Variants in TNS3 observed in about 807,000 individuals in gnomAD.
TNS3 encodes the protein tensin-3.
A neutral mutation model predicts 140.9 loss-of-function variants in TNS3; 45 were observed. The observed-to-expected ratio is 0.32, with a 90% confidence interval of 0.25 to 0.41. The LOEUF (loss-of-function observed/expected upper bound fraction) is 0.41, where lower values mean the gene tolerates loss of function less well. TNS3 is among the 10% of genes least tolerant of loss of function. TNS3 has a pLI of 1.00. For synonymous variants in TNS3, 815 were observed against 788.4 expected, an observed-to-expected ratio of 1.03 and a Z score of -0.56; for missense variants, 1,716 against 1,906.7, an observed-to-expected ratio of 0.90 and a Z score of 1.86.
chr7:47,471,524 G>A (rs962668299), intron 4 of TNS3, among the ~76,000 whole-genome samples: 18 of 152,218 alleles, frequency 1.2e-4, no homozygotes, highest in Non-Finnish European at 1.9e-4. Flanking sequence ...GGGCACCCGC[G>A]GGCCCTGCCA....
intron 6 of TNS3, among the ~76,000 whole-genome samples, chr7:47,437,745 TACACACACACACACACACAC>T (rs67341898): frequency 4.3e-4 from 58 of 135,806 alleles, no homozygotes; most frequent in Middle Eastern, 3.8e-3. Flanking sequence ...ACATATAGGA[TACACACACACACACACACAC>T]ACACACACAC....
intron 1 of TNS3, chr7:47,539,510 A>G (rs1799722235): frequency 3.9e-6 from 1 of 254,786 alleles, no homozygotes; most frequent in Admixed American, 4.9e-5. Flanking sequence ...TCCTCCTGCC[A>G]GGCTTGCAAT....
Position 47,396,824 on chromosome 7 carries a change from C to T in TNS3, c.1000G>A (p.Glu334Lys), listed in dbSNP as rs1251313934. The change falls in exon 16 of 31, where the codon GAG (glutamate) becomes AAG (lysine). Residue 334 changes from glutamate to lysine, a missense_variant. Around this residue, in one of 3 missense-constraint regions of TNS3, gnomAD observed 1,163 missense variants for 1,182.1 expected, o/e 0.98. Transcript: ENST00000311160. ...TDPLIRWDSY[E>K]NLSADGEVLH... ...CCTTCTCCATCTGCACTGAGGTTCT[C>T]GTACGAGTCCCAGCGTATCAGTGGG... The T allele has an allele frequency of 2.5e-6, 4 of 1,614,142 alleles. No homozygotes were observed. The highest frequency in any genetic ancestry group is 2.5e-6 in the Non-Finnish European group (3 of 1,179,954).
At chr7:47,297,280 C>A in intron 23 of TNS3, 67 bp from the exon 24 acceptor site, 1 of 1,527,422 alleles carries the variant, frequency 6.5e-7, no homozygotes, top group South Asian at 1.3e-5. Flanking sequence ...CCACTCATAA[C>A]CTTGGGTAGG....
intron 20 of TNS3, among the ~76,000 whole-genome samples, chr7:47,332,858 G>T (rs1192598773): frequency 6.6e-6 from 1 of 152,190 alleles, no homozygotes; most frequent in Non-Finnish European, 1.5e-5. Flanking sequence ...CAAGCCCCAG[G>T]GCCAGCATCA....
At position 47,369,639 on chromosome 7, in the gene TNS3, G is replaced by A. The variant is rs200272109; in HGVS notation, c.1025-18C>T. 79 of 1,533,204 alleles carry A rather than the reference G, an allele frequency of 5.2e-5. No individual in the cohort carries two copies. The highest frequency in any genetic ancestry group is 1.8e-4 in the Middle Eastern group (1 of 5,674). The allele number at this position is 1,533,204 out of a possible 1,614,324, so 95.0% of individuals were successfully genotyped here. A position where few individuals can be genotyped will look rare whatever the true frequency, so the allele number is the denominator to read the frequency against. ...GTGTAGCACTGCGGGGGAGAAAACC[G>A]GAGAGAGGCTTTCAGTCAGGGATGA... On this transcript the variant is annotated intron_variant, in intron 16 of 30. Coordinates refer to ENST00000311160, the MANE Select transcript of TNS3 (RefSeq NM_022748.12).
rs115951295 is a variant in TNS3, at chr7:47,377,732, T to C, written c.1025-8111A>G. Among the ~76,000 whole-genome samples the C allele has an allele frequency of 9.7e-3, 1,423 of 146,866 alleles. 24 individuals carry two copies. Among genetic ancestry groups the C allele is most frequent in the African/African-American group, 0.034 (1,350 of 39,432 alleles). ...TCCCCCTCCTCCCTTTCCTCCTCCT[T>C]CTCCTCCTCCCTTTCCTCTTCTTCT... On this transcript the variant is annotated intron_variant, in intron 16 of 30. Transcript: ENST00000311160.
intron 1 of TNS3, among the ~76,000 whole-genome samples, chr7:47,557,763 A>T (rs1158567516): frequency 6.6e-6 from 1 of 152,160 alleles, no homozygotes; most frequent in Non-Finnish European, 1.5e-5. Flanking sequence ...ATGTAGTGGG[A>T]GGAGGTAGGG....
At chr7:47,578,493 C>T (rs557492255) in intron 1 of TNS3, among the ~76,000 whole-genome samples, 3 of 148,836 alleles carry the variant, frequency 2.0e-5, no homozygotes, top group South Asian at 2.1e-4. Context: ...CAACTCCCAG[C>T]GAGGGTAGGA....
chr7:47,472,805 C>T (rs2151747766), intron 4 of TNS3, among the ~76,000 whole-genome samples: 1 of 152,318 alleles, frequency 6.6e-6, no homozygotes, highest in African/African-American at 2.4e-5. Context: ...GCACTACATC[C>T]ACACCCTCCC....
At chr7:47,505,250 C>A (rs1250529555) in intron 3 of TNS3, among the ~76,000 whole-genome samples, 2 of 152,092 alleles carry the variant, frequency 1.3e-5, no homozygotes, top group African/African-American at 4.8e-5. Context: ...CTGAAATGCT[C>A]CCCCAAAGGT....
At chr7:47,546,833 C>T (rs529997862) in intron 1 of TNS3, among the ~76,000 whole-genome samples, 4 of 152,204 alleles carry the variant, frequency 2.6e-5, no homozygotes, top group Non-Finnish European at 4.4e-5. Flanking sequence ...ACCACGGTCT[C>T]TCAGTGTGTG....
At chr7:47,362,366 G>A (rs1311308283) in intron 17 of TNS3, among the ~76,000 whole-genome samples, 5 of 151,830 alleles carry the variant, frequency 3.3e-5, no homozygotes. Flanking sequence ...AGGTGGGCAG[G>A]GCTACTCTAC....
At chr7:47,518,492 CTT>C (rs543694054) in intron 2 of TNS3, among the ~76,000 whole-genome samples, 184 of 152,284 alleles carry the variant, frequency 1.2e-3, no homozygotes, top group African/African-American at 4.4e-3. Flanking sequence ...CAGTTTTACT[CTT>C]TCTCTCTTTC....
chr7:47,532,885 T>C (rs1411144399), intron 1 of TNS3, among the ~76,000 whole-genome samples: 1 of 151,958 alleles, frequency 6.6e-6, no homozygotes, highest in African/African-American at 2.4e-5. Context: ...TCATGAATTA[T>C]AGGTAATAAG....
In TNS3 at chr7:47,283,862, C is replaced by A; in HGVS notation, c.3932G>T (p.Cys1311Phe). 2 of 1,586,934 alleles carry A rather than the reference C, an allele frequency of 1.3e-6. No homozygotes were observed. The highest frequency in any genetic ancestry group is 2.3e-5 in the South Asian group (2 of 85,528). Residue 1311 changes from cysteine (C) to phenylalanine (F), a missense_variant, in exon 28 of 31, where the codon TGC becomes TTC. Transcript: ENST00000311160. ...AAELLKQGAA[C>F]NVWYLNSVEM... Reference sequence around the variant, plus strand: ...CACAGAGTTCAAGTACCACACATTGCAGGCTGGAAGACACCAAGGGAGACA... The same window carrying A: ...CACAGAGTTCAAGTACCACACATTGAAGGCTGGAAGACACCAAGGGAGACA...
At position 47,369,521 on chromosome 7, in the gene TNS3, C is replaced by T. The variant is rs772733876; in HGVS notation, c.1125G>A (p.Pro375=). 2.5e-6 allele frequency: 4 copies of T among 1,613,894 alleles called. No individual in the cohort carries two copies. The highest frequency in any genetic ancestry group is 3.4e-6 in the Non-Finnish European group (4 of 1,179,930). Residue 375 remains proline, a synonymous_variant, in exon 17 of 31, where the codon CCG becomes CCA. Coordinates refer to ENST00000311160, the MANE Select transcript of TNS3 (RefSeq NM_022748.12). ...CACTGTGGTCTGGGCTGTTGGTGGC[C>T]GGGATTGCCTGGGGGCCACCTGGGA... The part of the protein sequence containing the change: ...PGIPGGPQAI[P]ATNSPDHSDH...
chr7:47,438,674 A>C (rs1202160851), intron 6 of TNS3, among the ~76,000 whole-genome samples: 5 of 152,200 alleles, frequency 3.3e-5, no homozygotes, highest in Non-Finnish European at 7.3e-5. Context: ...CTCTGGCATC[A>C]GACGGAGGCC....
intron 1 of TNS3, among the ~76,000 whole-genome samples, chr7:47,576,316 C>T (rs1398376473): frequency 6.6e-6 from 1 of 152,168 alleles, no homozygotes; most frequent in Non-Finnish European, 1.5e-5. Flanking sequence ...TGGCTCCCAC[C>T]CCTGAGCTCC....
Sources: allele counts gnomAD v4.1 joint callset (sites outside exome capture counted in the v4.1 genomes callset), GRCh38; gene constraint gnomAD v4.1.1; regional missense constraint gnomAD v4.1.1; transcripts MANE v1.5; gene names NCBI Gene and HGNC (gene_info 2026-07-23, HGNC 2026-07-21).